Variants in HYDIN observed in about 807,000 individuals in gnomAD.
HYDIN encodes axonemal central pair apparatus protein HYDIN.
In HYDIN, 132 loss-of-function variants were observed where a neutral mutation model predicts 403.9. The ratio of observed to expected loss-of-function variants is 0.33; its 90% confidence interval spans 0.28 to 0.38. The LOEUF is 0.38. HYDIN is among the 10% of genes least tolerant of loss of function. The pLI is 1.00. For missense variants in HYDIN, 2,827 were observed against 5,009.5 expected (o/e 0.56, Z 13.15); for synonymous variants, 1,202 against 1,891.7 (o/e 0.64, Z 9.46).
At chr16:71,226,523 C>T (rs1320030825) in intron 1 of HYDIN, among the ~76,000 whole-genome samples, 1 of 152,092 alleles carries the variant, frequency 6.6e-6, no homozygotes, top group Admixed American at 6.5e-5. Flanking sequence ...TTGTGTTAGG[C>T]CAAAGGTTTT....
At position 71,064,846 on chromosome 16, in the gene HYDIN, C is replaced by T. The variant is rs759861915; in HGVS notation, c.2076-6G>A. 1.7e-5 allele frequency: 27 copies of T among 1,607,230 alleles called. No individual in the cohort carries two copies. Among genetic ancestry groups the T allele is most frequent in the Admixed American group, 8.5e-5 (5 of 58,480 alleles). ...GGAGGGCAGGTACAACACACCTGCT[C>T]GGAGGAGCCCATCACACAATTCAAA... On this transcript the variant is annotated splice_region_variant and splice_polypyrimidine_tract_variant and intron_variant, in intron 15 of 85. Transcript: ENST00000393567.
intron 44 of HYDIN, among the ~76,000 whole-genome samples, chr16:70,938,264 G>A (rs563622422): frequency 6.6e-6 from 1 of 152,358 alleles, no homozygotes; most frequent in African/African-American, 2.4e-5. Context: ...TGAGCACAGA[G>A]GCTGATAAGC....
intron 5 of HYDIN, among the ~76,000 whole-genome samples, chr16:71,172,044 T>C (rs1352259240): frequency 2.6e-5 from 4 of 152,232 alleles, no homozygotes; most frequent in Non-Finnish European, 5.9e-5. Flanking sequence ...GACAATTTTA[T>C]GATACTGACA....
At chr16:70,855,731 C>A (rs2038981537) in intron 72 of HYDIN, among the ~76,000 whole-genome samples, 1 of 152,296 alleles carries the variant, frequency 6.6e-6, no homozygotes, top group Non-Finnish European at 1.5e-5. Context: ...CATTTTCTCT[C>A]ACTATCATCT....
chr16:70,934,531 C>T (rs2077444208), intron 45 of HYDIN, among the ~76,000 whole-genome samples: 1 of 152,174 alleles, frequency 6.6e-6, no homozygotes, highest in Non-Finnish European at 1.5e-5. Flanking sequence ...CTTTCACTTC[C>T]TGAGAATGCA....
At chr16:71,145,390 G>A (rs925569826) in intron 7 of HYDIN, among the ~76,000 whole-genome samples, 10 of 152,052 alleles carry the variant, frequency 6.6e-5, no homozygotes, top group African/African-American at 1.7e-4. Flanking sequence ...AAGTAGCTGG[G>A]ATTACAGGCA....
intron 44 of HYDIN, among the ~76,000 whole-genome samples, chr16:70,937,123 GGTGT>G: frequency 6.6e-6 from 1 of 150,760 alleles, no homozygotes; most frequent in Middle Eastern, 3.4e-3. Context: ...TTTACTTCAT[GGTGT>G]GTGTGTGTGC....
At chr16:71,156,912 T>C (rs1275408197) in intron 6 of HYDIN, among the ~76,000 whole-genome samples, 1 of 152,126 alleles carries the variant, frequency 6.6e-6, no homozygotes, top group East Asian at 1.9e-4. Flanking sequence ...ATGTTCTCTG[T>C]ACATTTTACA....
intron 1 of HYDIN, among the ~76,000 whole-genome samples, chr16:71,229,136 T>C (rs1331219117): frequency 8.7e-6 from 1 of 114,348 alleles, no homozygotes; most frequent in Non-Finnish European, 1.6e-5. Context: ...AAGGGGAACA[T>C]CACACACCGG....
chr16:70,991,075 A>G (rs1294909931), intron 25 of HYDIN, among the ~76,000 whole-genome samples: 1 of 152,240 alleles, frequency 6.6e-6, no homozygotes, highest in Non-Finnish European at 1.5e-5. Flanking sequence ...TTTGCTACAG[A>G]ATTATTAAGA....
intron 5 of HYDIN, among the ~76,000 whole-genome samples, chr16:71,172,353 T>C (rs551906086): frequency 6.6e-6 from 1 of 152,222 alleles, no homozygotes; most frequent in East Asian, 1.9e-4. Context: ...AAAAGCCTAA[T>C]ATTTTTCTTT....
chr16:70,967,453 G>A (rs1385317843), intron 36 of HYDIN, among the ~76,000 whole-genome samples: 2 of 151,322 alleles, frequency 1.3e-5, no homozygotes, highest in Non-Finnish European at 2.9e-5. Context: ...GGAACTATAA[G>A]CATGTGTCAC....
At chr16:71,005,520 C>T (rs1216083316) in intron 23 of HYDIN, among the ~76,000 whole-genome samples, 1 of 152,078 alleles carries the variant, frequency 6.6e-6, no homozygotes, top group Non-Finnish European at 1.5e-5. Context: ...TACCAGTCTC[C>T]AGAACTGAGA....
Position 70,944,651 on chromosome 16 carries a change from C to T in HYDIN, c.6532-702G>A, listed in dbSNP as rs139927727. The stretch of plus-strand genomic sequence containing the variant: ...ACACCACACCGCCAGGACCAGAATA[C>T]GCAGGGCCTTGTAGCCCATGGTCAG... On this transcript the variant is annotated intron_variant, in intron 41 of 85. Transcript: ENST00000393567. Among the ~76,000 whole-genome samples, 1,477 of 152,282 alleles carry T rather than the reference C, an allele frequency of 9.7e-3. 15 individuals are homozygous for T. The highest frequency in any genetic ancestry group is 0.078 in the Middle Eastern group (23 of 294).
rs769584014 is a variant in HYDIN at position 70,941,675 on chromosome 16, C to T, written c.6814G>A (p.Ala2272Thr). Residue 2272 changes from alanine (A) to threonine (T), a missense_variant, in exon 43 of 86, where the codon GCC (alanine) becomes ACC (threonine). Transcript: ENST00000393567. ...TTGGCTTTCTCCTGGGCCTTCATGG[C>T]TGCGTAATCCTGGGCCATGTTGAGA... ...YILNMAQDYA[A>T]MKAQEKAKKE... 8 of 1,584,600 alleles carry T rather than the reference C, an allele frequency of 5.0e-6. No individual in the cohort carries two copies. The East Asian group carries it at 1.6e-4, about 33-fold the overall frequency.
intron 6 of HYDIN, among the ~76,000 whole-genome samples, chr16:71,161,520 T>C (rs1208154584): frequency 6.6e-6 from 1 of 152,208 alleles, no homozygotes; most frequent in Non-Finnish European, 1.5e-5. Flanking sequence ...ACTAGCTCTG[T>C]GCTCTTCAGG....
intron 1 of HYDIN, among the ~76,000 whole-genome samples, chr16:71,189,103 T>C (rs2087293595): frequency 6.6e-6 from 1 of 152,212 alleles, no homozygotes; most frequent in African/African-American, 2.4e-5. Context: ...AAATATGGTG[T>C]TATAAAATAT....
intron 72 of HYDIN, among the ~76,000 whole-genome samples, chr16:70,855,722 A>G (rs1330951457): frequency 6.6e-6 from 1 of 152,268 alleles, no homozygotes; most frequent in Non-Finnish European, 1.5e-5. Flanking sequence ...TGACTAATAC[A>G]TTTTCTCTCA....
chr16:71,145,951 A>G (rs971373164), intron 7 of HYDIN, among the ~76,000 whole-genome samples: 1 of 152,198 alleles, frequency 6.6e-6, no homozygotes, highest in African/African-American at 2.4e-5. Flanking sequence ...TTTTGATTCT[A>G]TCGAGCTATA....
Sources: allele counts gnomAD v4.1 joint callset (sites outside exome capture counted in the v4.1 genomes callset), GRCh38; gene constraint gnomAD v4.1.1; transcripts MANE v1.5; gene names NCBI Gene and HGNC (gene_info 2026-07-23, HGNC 2026-07-21).